Variants in EXO1 observed in about 807,000 individuals in gnomAD.
EXO1 encodes exonuclease 1.
A neutral mutation model predicts 84.5 loss-of-function variants in EXO1; 69 were observed. The observed-to-expected ratio is 0.82, with a 90% CI of 0.67 to 1.00. The LOEUF (loss-of-function observed/expected upper bound fraction) is 1.00, where lower values mean the gene tolerates loss of function less well. Among genes scored for constraint, EXO1 ranks in the 50% least tolerant of loss-of-function variants. EXO1 has a pLI of 0.00. For synonymous variants in EXO1, 373 were observed against 366.1 expected (o/e 1.02, Z -0.21); for missense variants, 1,045 against 1,000.7 (o/e 1.04, Z -0.60).
In EXO1 at chr1:241,889,351, G is replaced by T. The variant is rs972787084; in HGVS notation, c.2406-114G>T. 20 of 895,718 alleles carry T rather than the reference G, an allele frequency of 2.2e-5. No individual in the cohort carries two copies. In the Admixed American group the frequency reaches 3.6e-4, roughly 16 times the overall value. 55.5% of individuals were successfully genotyped at this position (895,718 alleles called of 1,614,324 possible). A position where few individuals can be genotyped will look rare whatever the true frequency, so the allele number is the denominator to read the frequency against. ...GTTATATAATGAATTGAAAGAGATC[G>T]TACAGTAAAGGGTCTTATCCTCTTC... On this transcript the variant is annotated intron_variant, in intron 15 of 15. Coordinates refer to ENST00000366548, the MANE Select transcript of EXO1 (RefSeq NM_130398.4).
intron 11 of EXO1, 101 bp from the exon 12 acceptor site, chr1:241,871,929 TAA>T: frequency 1.3e-6 from 1 of 759,270 alleles, no homozygotes; most frequent in Non-Finnish European, 2.1e-6. Context: ...TTTTTTTTTT[TAA>T]AGTCCTTATT....
intron 12 of EXO1, among the ~76,000 whole-genome samples, chr1:241,878,038 C>G (rs946317686): frequency 6.6e-6 from 1 of 152,130 alleles, no homozygotes; most frequent in African/African-American, 2.4e-5. Context: ...TTAGCCCCAT[C>G]CTAGGTACTG....
chr1:241,884,605 A>G (rs1252913177), intron 14 of EXO1, among the ~76,000 whole-genome samples: 4 of 152,044 alleles, frequency 2.6e-5, no homozygotes, highest in African/African-American at 9.7e-5. Context: ...AAGATATATT[A>G]AGTGAGAAAA....
chr1:241,872,897 A>G (rs557141422), intron 12 of EXO1, among the ~76,000 whole-genome samples: 28 of 152,220 alleles, frequency 1.8e-4, no homozygotes, highest in African/African-American at 6.5e-4. Flanking sequence ...GTCAAATGGT[A>G]TTTCTGGTTC....
intron 11 of EXO1, among the ~76,000 whole-genome samples, chr1:241,870,868 G>T (rs1391016090): frequency 6.6e-6 from 1 of 152,140 alleles, no homozygotes; most frequent in East Asian, 1.9e-4. Flanking sequence ...CAGAAATCTG[G>T]AGTATATGAG....
At chr1:241,861,157 G>T (rs1240135288) in intron 9 of EXO1, among the ~76,000 whole-genome samples, 3 of 152,186 alleles carry the variant, frequency 2.0e-5, no homozygotes, top group Non-Finnish European at 2.9e-5. Context: ...TTTCCCCTCT[G>T]TTTCCCTTAA....
At position 241,889,727 on chromosome 1, in the gene EXO1, CA is replaced by C. The variant is rs1663275047; in HGVS notation, c.*128del. On this transcript the variant is annotated 3_prime_UTR_variant, in exon 16 of 16. Transcript: ENST00000366548. ...TCTGTGCCATTTTAAAAATAGAATA[CA>C]TTTTGTATATTAACTTTATAATTGG... is the stretch of plus-strand genomic sequence containing the variant. 1.1e-5 allele frequency: 10 copies of C among 925,110 alleles called. No individual in the cohort carries two copies. Among genetic ancestry groups the C allele is most frequent in the Non-Finnish European group, 1.7e-5 (10 of 574,704 alleles). The allele number at this position is 925,110 out of a possible 1,614,324, so 57.3% of individuals were successfully genotyped here.
intron 6 of EXO1, among the ~76,000 whole-genome samples, chr1:241,855,919 G>A (rs986228938): frequency 1.5e-4 from 23 of 152,302 alleles, no homozygotes; most frequent in African/African-American, 5.0e-4. Context: ...CAGCTGGCCC[G>A]CAAGCACCGC....
At chr1:241,867,188 C>G (rs930207787) in intron 11 of EXO1, 133 bp downstream of exon 11, 5 of 737,764 alleles carry the variant, frequency 6.8e-6, no homozygotes, top group Middle Eastern at 2.8e-4. Flanking sequence ...TCCATTTTCA[C>G]CCTGCTGATA....
In EXO1 at chr1:241,885,429, G is replaced by C; in HGVS notation, c.2327G>C (p.Arg776Thr). 3.7e-6 allele frequency: 6 copies of C among 1,613,874 alleles called. No homozygotes were observed. Among genetic ancestry groups the C allele is most frequent in the Non-Finnish European group, 5.1e-6 (6 of 1,179,904 alleles). ...LSKKPASIQK[R>T]KHHNAENKPG... ...AAGAAGCCGGCAAGCATCCAGAAGA[G>C]AAAGCATCATAATGCCGAGAACAAG... Residue 776 changes from arginine to threonine, a missense_variant, in exon 15 of 16, where the codon AGA (arginine) becomes ACA (threonine). Transcript: ENST00000366548.
chr1:241,857,518 T>C (rs751185774), intron 7 of EXO1, 36 bp downstream of exon 7: 68 of 1,559,592 alleles, frequency 4.4e-5, no homozygotes, highest in Non-Finnish European at 5.3e-5. Flanking sequence ...TACTTTTCTA[T>C]GTAGATAGTA....
At chr1:241,882,835 A>G (rs1049855697) in intron 14 of EXO1, among the ~76,000 whole-genome samples, 2 of 152,320 alleles carry the variant, frequency 1.3e-5, no homozygotes, top group East Asian at 3.9e-4. Context: ...TTATGAGAGT[A>G]TAGTGAGATA....
intron 12 of EXO1, among the ~76,000 whole-genome samples, chr1:241,874,137 T>C (rs1489841423): frequency 6.6e-6 from 1 of 152,144 alleles, no homozygotes; most frequent in Non-Finnish European, 1.5e-5. Context: ...CGATGGCTCA[T>C]GCCTATAATC....
Position 241,860,573 on chromosome 1 carries a change from C to T in EXO1, c.813C>T (p.Tyr271=), listed in dbSNP as rs761587261. ...TGAATATCACGGTACCAGAGGATTACATCAACGGGTTTATTCGGGCCAACA... is the reference window on the plus strand; with the variant it reads ...TGAATATCACGGTACCAGAGGATTATATCAACGGGTTTATTCGGGCCAACA... The part of the protein sequence containing the change: ...LKMNITVPED[Y]INGFIRANNT... The change falls in exon 9 of 16, where the codon TAC becomes TAT. Residue 271 remains tyrosine (Y), a synonymous_variant. Transcript: ENST00000366548. The T allele has an allele frequency of 6.2e-7, 1 of 1,613,924 alleles. No individual in the cohort carries two copies. Among genetic ancestry groups the T allele is most frequent in the South Asian group, 1.1e-5 (1 of 91,060 alleles).
Position 241,853,464 on chromosome 1 carries a change from G to A in EXO1, c.388G>A (p.Ala130Thr), listed in dbSNP as rs753259264. Residue 130 changes from alanine to threonine, a missense_variant, in exon 6 of 16, where the codon GCC becomes ACC. Transcript: ENST00000366548. ...GTCTATCAATATCACACATGCCATG[G>A]CCCACAAAGTAATTAAAGTAAGACA... Reference protein sequence around the residue: ...TRSINITHAMAHKVIKAARSQ... With the variant: ...TRSINITHAMTHKVIKAARSQ... The A allele has an allele frequency of 1.9e-6, 3 of 1,613,992 alleles. No individual in the cohort carries two copies. Among genetic ancestry groups the A allele is most frequent in the East Asian group, 4.5e-5 (2 of 44,886 alleles).
chr1:241,882,060 G>A, intron 14 of EXO1, 43 bp downstream of exon 14: 1 of 931,758 alleles, frequency 1.1e-6, no homozygotes, highest in Non-Finnish European at 1.8e-6. Context: ...CAGAAGCGGT[G>A]TATGCTTACA....
chr1:241,852,782 G>C (rs577676150), intron 5 of EXO1, among the ~76,000 whole-genome samples: 1 of 151,980 alleles, frequency 6.6e-6, no homozygotes, highest in South Asian at 2.1e-4. Context: ...TCAGCCTCCC[G>C]AGTAGCTGGG....
At chr1:241,873,710 A>G (rs1265867315) in intron 12 of EXO1, among the ~76,000 whole-genome samples, 1 of 152,212 alleles carries the variant, frequency 6.6e-6, no homozygotes, top group African/African-American at 2.4e-5. Flanking sequence ...AAATCTTTCC[A>G]TACAGTATGG....
chr1:241,853,084 C>T (rs1274961992), intron 5 of EXO1, among the ~76,000 whole-genome samples: 2 of 152,138 alleles, frequency 1.3e-5, no homozygotes, highest in African/African-American at 2.4e-5. Flanking sequence ...ATCTTCGTTA[C>T]TACATTTTCT....
Sources: allele counts gnomAD v4.1 joint callset (sites outside exome capture counted in the v4.1 genomes callset), GRCh38; gene constraint gnomAD v4.1.1; transcripts MANE v1.5; gene names NCBI Gene and HGNC (gene_info 2026-07-23, HGNC 2026-07-21).